The following PPM1G variants were observed in gnomAD, a reference collection of about 807,000 sequenced individuals.
PPM1G encodes protein phosphatase, Mg2+/Mn2+ dependent 1G, also known as protein phosphatase 1G.
In PPM1G, 12 loss-of-function variants were observed where a neutral mutation model predicts 59.4. The observed-to-expected ratio is 0.20, with a 90% confidence interval of 0.13 to 0.33. The LOEUF (loss-of-function observed/expected upper bound fraction) is 0.33. PPM1G is among the 10% of genes least tolerant of loss of function. The pLI is 1.00. For missense variants in PPM1G, 392 were observed against 681.3 expected (o/e 0.58, Z 4.73); for synonymous variants, 245 against 251.9 (o/e 0.97, Z 0.26).
At chr2:27,406,179 T>C (rs1050152762) in intron 1 of PPM1G, among the ~76,000 whole-genome samples, 4 of 152,184 alleles carry the variant, frequency 2.6e-5, no homozygotes, top group Non-Finnish European at 5.9e-5. Flanking sequence ...TTTAGTGGTA[T>C]GATAACCTTA....
At chr2:27,397,071 G>A (rs1163771714) in intron 1 of PPM1G, among the ~76,000 whole-genome samples, 2 of 151,836 alleles carry the variant, frequency 1.3e-5, no homozygotes, top group South Asian at 2.1e-4. Context: ...GTTTCTCCAC[G>A]TTGCTCAGGC....
chr2:27,396,733 T>C (rs952645718), intron 1 of PPM1G, among the ~76,000 whole-genome samples: 4 of 148,402 alleles, frequency 2.7e-5, no homozygotes, highest in African/African-American at 7.6e-5. Flanking sequence ...GAGAATCTCT[T>C]GAGCCCAGGT....
intron 1 of PPM1G, among the ~76,000 whole-genome samples, chr2:27,391,250 G>C (rs1683893322): frequency 6.6e-6 from 1 of 152,186 alleles, no homozygotes; most frequent in East Asian, 1.9e-4. Context: ...AGTTCTCTGA[G>C]AAATCTCCAA....
At chr2:27,391,239 T>G (rs1006516747) in intron 1 of PPM1G, among the ~76,000 whole-genome samples, 7 of 152,246 alleles carry the variant, frequency 4.6e-5, no homozygotes, top group Non-Finnish European at 1.0e-4. Flanking sequence ...GTTCCACTCT[T>G]AGTTCTCTGA....
intron 1 of PPM1G, among the ~76,000 whole-genome samples, chr2:27,399,612 T>C (rs936074520): frequency 6.6e-6 from 1 of 152,106 alleles, no homozygotes; most frequent in African/African-American, 2.4e-5. Flanking sequence ...CAGAGTGAGA[T>C]TCTGTCTCAA....
intron 1 of PPM1G, among the ~76,000 whole-genome samples, chr2:27,400,880 C>T (rs961434949): frequency 1.3e-5 from 2 of 152,170 alleles, no homozygotes; most frequent in South Asian, 2.1e-4. Context: ...AAAAAGTGCC[C>T]ACTGGAGCCT....
chr2:27,396,828 A>AAAAAAAG (rs1484281422), intron 1 of PPM1G, among the ~76,000 whole-genome samples: 40 of 151,844 alleles, frequency 2.6e-4, no homozygotes, highest in African/African-American at 6.8e-4. Context: ...ACAAAAAAAA[A>AAAAAAAG]AAAAGAAAAG....
At chr2:27,387,010 A>T in intron 2 of PPM1G, 79 bp downstream of exon 2, 1 of 1,140,552 alleles carries the variant, frequency 8.8e-7, no homozygotes. Context: ...AAAGTAAATG[A>T]ACAAAGGGAC....
rs1683698095 is a variant in PPM1G at position 27,383,805 on chromosome 2, C to T, written c.966+147G>A. 1 of 1,302,842 alleles carries T rather than the reference C, an allele frequency of 7.7e-7. No homozygotes were observed. The highest frequency in any genetic ancestry group is 1.0e-6 in the Non-Finnish European group (1 of 955,842). 80.7% of individuals were successfully genotyped at this position (1,302,842 alleles called of 1,614,324 possible). ...AGATAATTCAACCCCAAAGGCTTAC[C>T]ATCTCATTCCCCTTGCAGAATAAAT... On this transcript the variant is annotated intron_variant, in intron 6 of 9. Coordinates refer to ENST00000344034, the MANE Select transcript of PPM1G (RefSeq NM_177983.3). The surrounding 1 kb of genome is among the most constrained non-coding windows in gnomAD (Gnocchi z 5.0).
In PPM1G at chr2:27,385,879, C is replaced by T; in HGVS notation, c.277G>A (p.Ala93Thr). 6.2e-7 allele frequency: 1 copy of T among 1,611,288 alleles called. No individual in the cohort carries two copies. The highest frequency in any genetic ancestry group is 8.5e-7 in the Non-Finnish European group (1 of 1,179,340). ...ATAGCCAAGAAGGCATCTTCTAAAG[C>T]CTGAATATAAGCAAAATAGTCTAAG... ...KAYKEGKLQK[A>T]LEDAFLAIDA... is the part of the protein sequence containing the mutation. The change falls in exon 4 of 10, where the codon GCT becomes ACT. Residue 93 changes from alanine (A) to threonine (T), a missense_variant and splice_region_variant. By Grantham distance (58) the Ala-to-Thr change is moderately conservative. This residue lies in a region of PPM1G where 68 missense variants were observed against 145.9 expected (regional missense o/e 0.47). Transcript: ENST00000344034. This position sits in a 1 kb window ranked among gnomAD's most constrained non-coding sequence, Gnocchi z 4.1.
chr2:27,399,406 G>C (rs866024672), intron 1 of PPM1G, among the ~76,000 whole-genome samples: 3 of 152,072 alleles, frequency 2.0e-5, no homozygotes, highest in Admixed American at 6.6e-5. Flanking sequence ...TGGCATGGTG[G>C]CTCTAGCCTG....
chr2:27,386,338 A>T (rs778733658), intron 2 of PPM1G, 59 bp from the exon 3 acceptor site: 2 of 1,251,510 alleles, frequency 1.6e-6, no homozygotes, highest in Non-Finnish European at 2.3e-6. Context: ...AGAAAGTGAT[A>T]CAATATTTAT....
chr2:27,388,513 C>T (rs1478897920), intron 1 of PPM1G, among the ~76,000 whole-genome samples: 5 of 152,098 alleles, frequency 3.3e-5, no homozygotes, highest in African/African-American at 7.2e-5. Flanking sequence ...CTGTTAAAAG[C>T]AAATATATGT....
Position 27,382,106 on chromosome 2 carries a change from T to A in PPM1G, c.1434+20A>T. The stretch of plus-strand genomic sequence containing the variant: ...GGCTGTGCAGACCAGACACCCTCTC[T>A]TCTCCACCCTGGTACTCACCTCTTC... On this transcript the variant is annotated intron_variant, in intron 9 of 9. Coordinates refer to ENST00000344034, the MANE Select transcript of PPM1G (RefSeq NM_177983.3). The surrounding 1 kb of genome is among the most constrained non-coding windows in gnomAD (Gnocchi z 4.2). 4 of 1,605,678 alleles carry A rather than the reference T, an allele frequency of 2.5e-6. No homozygotes were observed. The highest frequency in any genetic ancestry group is 3.4e-6 in the Non-Finnish European group (4 of 1,172,390).
In PPM1G at chr2:27,383,116, G is replaced by A. The variant is rs7423104; in HGVS notation, c.1201+250C>T. Among the ~76,000 whole-genome samples, 70,516 of 151,852 alleles carry A rather than the reference G, an allele frequency of 0.46. 17,678 individuals carry two copies. Among genetic ancestry groups the A allele is most frequent in the East Asian group, 0.84 (4,362 of 5,164 alleles). On this transcript the variant is annotated intron_variant, in intron 7 of 9. Coordinates refer to ENST00000344034, the MANE Select transcript of PPM1G (RefSeq NM_177983.3). This position sits in a 1 kb window ranked among gnomAD's most constrained non-coding sequence, Gnocchi z 5.0. ...CTCCCAAAGTGCTGGGATTACAGGC[G>A]TGAGCCACCACGCCCGGCACTCACA...
Position 27,381,694 on chromosome 2 carries a change from C to T in PPM1G, c.1546G>A (p.Glu516Lys). The change falls in exon 10 of 10, where the codon GAG (glutamate) becomes AAG (lysine). Residue 516 changes from glutamate (E) to lysine (K), a missense_variant. By Grantham distance (56) the Glu-to-Lys change is moderately conservative (BLOSUM62 1). This residue lies in a region of PPM1G where 49 missense variants were observed against 43.4 expected (regional missense o/e 1.13). Transcript: ENST00000344034. ...KPRNTAELQP[E>K]SGKRKLEEVL... ...TCCTCTAGTTTTCGCTTGCCACTCTCTGGCTGGAGCTCTGCTGTGTTTCGG... is the reference window on the plus strand; with the variant it reads ...TCCTCTAGTTTTCGCTTGCCACTCTTTGGCTGGAGCTCTGCTGTGTTTCGG... 1 of 1,614,058 alleles carries T rather than the reference C, an allele frequency of 6.2e-7. No individual in the cohort carries two copies. Among genetic ancestry groups the T allele is most frequent in the South Asian group, 1.1e-5 (1 of 91,076 alleles).
intron 1 of PPM1G, among the ~76,000 whole-genome samples, chr2:27,405,584 A>T (rs1211649790): frequency 6.7e-6 from 1 of 148,798 alleles, no homozygotes; most frequent in Non-Finnish European, 1.5e-5. Context: ...TTCAGTAGAG[A>T]CGGGGTTTCA....
At chr2:27,408,208 C>G (rs1375875381) in intron 1 of PPM1G, among the ~76,000 whole-genome samples, 1 of 152,196 alleles carries the variant, frequency 6.6e-6, no homozygotes, top group African/African-American at 2.4e-5. Context: ...CATTCCAGAG[C>G]TAACCACAGG....
chr2:27,382,650 AGACTTGTGTTTGTGGCAGGTCAAACCTT>A lies in PPM1G; in HGVS notation c.1202-73_1202-46del. The A allele has an allele frequency of 1.2e-6, 2 of 1,610,228 alleles. No homozygotes were observed. The highest frequency in any genetic ancestry group is 2.2e-5 in the South Asian group (2 of 90,722). On this transcript the variant is annotated intron_variant, in intron 7 of 9. Coordinates refer to ENST00000344034, the MANE Select transcript of PPM1G (RefSeq NM_177983.3). This position sits in a 1 kb window ranked among gnomAD's most constrained non-coding sequence, Gnocchi z 4.2. ...GATGAGCAGTTTGGATACTTCCCAC[AGACTTGTGTTTGTGGCAGGTCAAACCTT>A]GCCATTCATTTCCCTTCTTTACAAA...
Sources: allele counts gnomAD v4.1 joint callset (sites outside exome capture counted in the v4.1 genomes callset), GRCh38; gene constraint gnomAD v4.1.1; regional missense constraint gnomAD v4.1.1; non-coding constraint Gnocchi (gnomAD v3.1); transcripts MANE v1.5; gene names NCBI Gene and HGNC (gene_info 2026-07-23, HGNC 2026-07-21).